ACOT12: variants seen among roughly 807,000 people sequenced by gnomAD.
The protein encoded by ACOT12 is acyl-CoA thioesterase 12, also known as acetyl-coenzyme A thioesterase.
A neutral mutation model predicts 67.7 loss-of-function variants in ACOT12; 51 were observed. The observed-to-expected ratio is 0.75, with a 90% CI of 0.60 to 0.95. ACOT12 has a LOEUF of 0.95. Among genes scored for constraint, ACOT12 ranks in the 40% least tolerant of loss-of-function variants. ACOT12 has a pLI of 0.00. For synonymous variants in ACOT12, 251 were observed against 244.6 expected, an observed-to-expected ratio of 1.03 and a Z score of -0.24; for missense variants, 734 against 708.1, an observed-to-expected ratio of 1.04 and a Z score of -0.41.
chr5:81,347,976 G>T (rs1183935253), intron 5 of ACOT12, 46 bp from the exon 6 acceptor site: 3 of 1,563,954 alleles, frequency 1.9e-6, no homozygotes, highest in South Asian at 1.2e-5. Flanking sequence ...TGAACCATAG[G>T]CCCTGGGGCT....
intron 5 of ACOT12, among the ~76,000 whole-genome samples, chr5:81,356,542 G>C (rs1454568144): frequency 6.6e-6 from 1 of 152,100 alleles, no homozygotes; most frequent in Non-Finnish European, 1.5e-5. Flanking sequence ...CTCCCCAGCT[G>C]TGGTCTCTTC....
At chr5:81,319,094 C>A in the ACOT12 span, among the ~76,000 whole-genome samples, 1 of 152,174 alleles carries the variant, frequency 6.6e-6, no homozygotes, top group Non-Finnish European at 1.5e-5. Context: ...CATGCTCTTA[C>A]AGAGATTCAG....
chr5:81,359,928 TA>T lies in ACOT12; in HGVS notation c.470del (p.Leu157Ter), dbSNP rs775685670. ...CATCAAATTTGCTACTTTCCTTCAT[TA>T]AATTGTTAAAGGTATCTTCATGTTG... The part of the protein sequence containing the change: ...RLQHEDTFNN[L>X]MKESSKFDDL... On this transcript the variant is annotated frameshift_variant, in exon 5 of 15. Coordinates refer to ENST00000307624, the MANE Select transcript of ACOT12 (RefSeq NM_130767.3). LOFTEE classifies it high-confidence loss of function. The T allele has an allele frequency of 6.2e-7, 1 of 1,608,686 alleles. No homozygotes were observed. Among genetic ancestry groups the T allele is most frequent in the East Asian group, 2.2e-5 (1 of 44,802 alleles).
At chr5:81,348,497 C>T (rs1435783069) in intron 5 of ACOT12, among the ~76,000 whole-genome samples, 4 of 152,148 alleles carry the variant, frequency 2.6e-5, no homozygotes, top group African/African-American at 4.8e-5. Context: ...TGGCCTCCTG[C>T]GGAAACTGTT....
In ACOT12 at chr5:81,342,771, T is replaced by G. The variant is rs767262846; in HGVS notation, c.1045-16A>C. The G allele has an allele frequency of 4.3e-6, 7 of 1,612,284 alleles. No homozygotes were observed. The South Asian group carries it at 7.7e-5, about 18-fold the overall frequency. On this transcript the variant is annotated splice_polypyrimidine_tract_variant and intron_variant, in intron 10 of 14. Coordinates refer to ENST00000307624, the MANE Select transcript of ACOT12 (RefSeq NM_130767.3). ...TCAGGGATGCCTAGAATAGAAATAT[T>G]ATATTTTTAAAGCTATGTGTTCAAT...
intron 2 of ACOT12, among the ~76,000 whole-genome samples, chr5:81,381,141 A>T (rs550523713): frequency 1.3e-5 from 2 of 151,484 alleles, no homozygotes; most frequent in African/African-American, 4.8e-5. Context: ...ATCTTGGCTC[A>T]CTGCAACCTC....
chr5:81,326,117 C>CTTTTTT (rs1199895738), downstream of ACOT12, among the ~76,000 whole-genome samples: 119 of 77,048 alleles, frequency 1.5e-3, 2 homozygotes, highest in Non-Finnish European at 1.7e-3. Context: ...CCCTGAGATT[C>CTTTTTT]TTTTTTTTTT....
intron 5 of ACOT12, among the ~76,000 whole-genome samples, chr5:81,358,382 C>T (rs776685682): frequency 9.9e-5 from 15 of 152,162 alleles, no homozygotes; most frequent in Admixed American, 3.3e-4. Context: ...TAATGGTTGT[C>T]TCACCTGCCT....
intron 5 of ACOT12, among the ~76,000 whole-genome samples, chr5:81,350,873 G>C (rs891356123): frequency 6.6e-6 from 1 of 152,168 alleles, no homozygotes. Context: ...CACCAAGGAA[G>C]GTTCCCTGAT....
intron 5 of ACOT12, among the ~76,000 whole-genome samples, chr5:81,358,491 T>C (rs1481862401): frequency 6.6e-6 from 1 of 152,180 alleles, no homozygotes; most frequent in Non-Finnish European, 1.5e-5. Flanking sequence ...AGACCAGCTT[T>C]ATAAACGGAG....
Position 81,360,045 on chromosome 5 carries a change from AAAG to A in ACOT12, c.361-10_361-8del, listed in dbSNP as rs764100542. The A allele has an allele frequency of 6.3e-7, 1 of 1,592,984 alleles. No individual in the cohort carries two copies. The highest frequency in any genetic ancestry group is 1.9e-5 in the Admixed American group (1 of 52,450). ...TGACTGGTTTTAAATGAATCTAGAGAAAGAAAAGCATTTATCTTTTATTGCCTT... is the reference window on the plus strand; with the variant it reads ...TGACTGGTTTTAAATGAATCTAGAGAAAAAGCATTTATCTTTTATTGCCTT... On this transcript the variant is annotated splice_region_variant and splice_polypyrimidine_tract_variant and intron_variant, in intron 4 of 14. Transcript: ENST00000307624.
chr5:81,376,337 G>T lies in ACOT12; in HGVS notation c.198-4527C>A, dbSNP rs980675633. The stretch of plus-strand genomic sequence containing the variant: ...CCAGAATATCTGGGACATATTTAAA[G>T]CAGTGTGTAGAGAGAAATTTATAGC... On this transcript the variant is annotated intron_variant, in intron 2 of 14. Transcript: ENST00000307624. Among the ~76,000 whole-genome samples, 14 of 152,058 alleles carry T rather than the reference G, an allele frequency of 9.2e-5. 1 individual carries two copies. The highest frequency in any genetic ancestry group is 9.2e-4 in the Admixed American group (14 of 15,258).
At chr5:81,326,772 G>GCA (rs1696329705), downstream of ACOT12, among the ~76,000 whole-genome samples, 1 of 152,166 alleles carries the variant, frequency 6.6e-6, no homozygotes. Context: ...GACCTATTTA[G>GCA]TTGTCTATGG....
At chr5:81,347,978 C>T (rs1413419622) in intron 5 of ACOT12, 48 bp from the exon 6 acceptor site, 1 of 1,562,004 alleles carries the variant, frequency 6.4e-7, no homozygotes, top group East Asian at 2.3e-5. Flanking sequence ...AACCATAGGC[C>T]CTGGGGCTCC....
intron 4 of ACOT12, among the ~76,000 whole-genome samples, chr5:81,360,621 A>G (rs1047173135): frequency 2.0e-5 from 3 of 152,218 alleles, no homozygotes; most frequent in African/African-American, 7.2e-5. Context: ...CAACAGAACC[A>G]AGAGCTCAAA....
intron 9 of ACOT12, 33 bp downstream of exon 9, chr5:81,344,127 C>T (rs746137704): frequency 1.9e-6 from 3 of 1,604,398 alleles, no homozygotes. Flanking sequence ...TTAACGAAGA[C>T]TCCATAAAAT....
intron 7 of ACOT12, among the ~76,000 whole-genome samples, chr5:81,345,560 T>G (rs949638557): frequency 6.6e-6 from 1 of 152,136 alleles, no homozygotes; most frequent in Admixed American, 6.5e-5. Context: ...AGGTCCATTA[T>G]GAGTTGATTG....
At chr5:81,345,841 T>C in intron 7 of ACOT12, 44 bp downstream of exon 7, 1 of 1,609,648 alleles carries the variant, frequency 6.2e-7, no homozygotes, top group Admixed American at 1.7e-5. Flanking sequence ...ATTACATTTG[T>C]GCAAGTTTAA....
chr5:81,323,074 T>C, the ACOT12 span, among the ~76,000 whole-genome samples: 2 of 98,130 alleles, frequency 2.0e-5, no homozygotes, highest in African/African-American at 4.5e-5. Flanking sequence ...ATGCCTGGTA[T>C]AGCAAAAAGA....
Sources: gnomAD v4.1 joint callset for allele counts (sites outside exome capture counted in the v4.1 genomes callset) on GRCh38, gnomAD v4.1.1 for gene constraint, MANE v1.5 for transcripts, NCBI Gene and HGNC (gene_info 2026-07-23, HGNC 2026-07-21) for gene names.